Variants in TTYH1 observed in about 807,000 individuals in gnomAD.
TTYH1 encodes the protein tweety family member 1.
A neutral mutation model predicts 61.2 loss-of-function variants in TTYH1; 33 were observed. That is an observed-to-expected ratio of 0.54 (90% CI 0.41 to 0.72). The LOEUF (loss-of-function observed/expected upper bound fraction) is 0.72. Among genes scored for constraint, TTYH1 ranks in the 30% least tolerant of loss-of-function variants. TTYH1 has a pLI of 0.00. For synonymous variants in TTYH1, 308 were observed against 266.4 expected (o/e 1.16, Z -1.52); for missense variants, 538 against 575.8 (o/e 0.93, Z 0.67).
intron 1 of TTYH1, among the ~76,000 whole-genome samples, chr19:54,417,323 T>G (rs2083105880): frequency 6.8e-6 from 1 of 146,906 alleles, no homozygotes; most frequent in South Asian, 2.2e-4. Context: ...ATGCACACAC[T>G]CAGACACGCC....
At chr19:54,417,863 A>G (rs1382168718) in intron 1 of TTYH1, among the ~76,000 whole-genome samples, 1 of 152,172 alleles carries the variant, frequency 6.6e-6, no homozygotes, top group Non-Finnish European at 1.5e-5. Context: ...TGTGCCCAGA[A>G]CACACAAATG....
chr19:54,415,672 C>T lies in TTYH1; in HGVS notation c.120C>T (p.Tyr40=), dbSNP rs1389516121. The change falls in exon 1 of 14, where the codon TAC becomes TAT. Residue 40 remains tyrosine, a synonymous_variant. Transcript: ENST00000376530. This position sits in a 1 kb window ranked among gnomAD's most constrained non-coding sequence, Gnocchi z 5.2. The part of the protein sequence containing the change: ...PSVFAPQEQE[Y]QQALLLVAAL... ...TTTTCGCGCCCCAAGAGCAGGAATA[C>T]CAGCAGGTGGGACCGGGCGCCAGGG... The T allele has an allele frequency of 3.2e-6, 5 of 1,557,504 alleles. No homozygotes were observed. In the African/African-American group the frequency reaches 5.5e-5, roughly 17 times the overall value.
Position 54,419,430 on chromosome 19 carries a change from C to A in TTYH1, c.305+124C>A. 9.7e-7 allele frequency: 1 copy of A among 1,033,092 alleles called. No homozygotes were observed. The highest frequency in any genetic ancestry group is 1.5e-6 in the Non-Finnish European group (1 of 687,988). 64.0% of individuals were successfully genotyped at this position (1,033,092 alleles called of 1,614,324 possible). A position where few individuals can be genotyped will look rare whatever the true frequency, so the allele number is the denominator to read the frequency against. ...ACAGGAAGGAGGAAACTCCCTCGTC[C>A]CTGTCCCTGCCATTTGCAAGCCCAC... On this transcript the variant is annotated intron_variant, in intron 2 of 13. Coordinates refer to ENST00000376530, the MANE Select transcript of TTYH1 (RefSeq NM_020659.4). The surrounding 1 kb of genome is among the most constrained non-coding windows in gnomAD (Gnocchi z 6.1).
chr19:54,419,386 G>A lies in TTYH1; in HGVS notation c.305+80G>A, dbSNP rs758945236. On this transcript the variant is annotated intron_variant, in intron 2 of 13. Transcript: ENST00000376530. This position sits in a 1 kb window ranked among gnomAD's most constrained non-coding sequence, Gnocchi z 6.1. ...GCTGGCCTTCCTGGGGGTGTCCTCC[G>A]GGGACATGGAGGAAGCAGACAGGAA... The A allele has an allele frequency of 5.9e-4, 842 of 1,421,894 alleles. 7 individuals are homozygous for A. The highest frequency in any genetic ancestry group is 1.2e-4 in the South Asian group (10 of 83,112). 88.1% of individuals were successfully genotyped at this position (1,421,894 alleles called of 1,614,324 possible). A position where few individuals can be genotyped will look rare whatever the true frequency, so the allele number is the denominator to read the frequency against.
chr19:54,422,928 CAAAAAAAAAAA>C (rs573699988), intron 4 of TTYH1, among the ~76,000 whole-genome samples: 2 of 85,374 alleles, frequency 2.3e-5, no homozygotes, highest in African/African-American at 5.5e-5. Flanking sequence ...GACTCCATCT[CAAAAAAAAAAA>C]AAAAAAAAAA....
At chr19:54,424,893 C>T (rs1272242071) in intron 4 of TTYH1, among the ~76,000 whole-genome samples, 1 of 151,984 alleles carries the variant, frequency 6.6e-6, no homozygotes, top group Non-Finnish European at 1.5e-5. Context: ...GCTGTTGTTA[C>T]GGCGGGTCCT....
rs1306033835 is a variant in TTYH1, at chr19:54,435,723, A to G, written c.1268+39A>G. 4 of 1,609,756 alleles carry G rather than the reference A, an allele frequency of 2.5e-6. No homozygotes were observed. In the South Asian group the frequency reaches 3.3e-5, roughly 13 times the overall value. ...GAGGGTAGGGTCCTGGGGAGGGAAG[A>G]GGAGGGGCAGCACCTGGGGACCACG... On this transcript the variant is annotated intron_variant, in intron 11 of 13. Transcript: ENST00000376530.
In TTYH1 at chr19:54,436,313, G is replaced by T. The variant is rs753697860; in HGVS notation, c.*43-20G>T. 8 of 1,613,930 alleles carry T rather than the reference G, an allele frequency of 5.0e-6. No individual in the cohort carries two copies. The highest frequency in any genetic ancestry group is 6.8e-6 in the Non-Finnish European group (8 of 1,180,008). Reference sequence around the variant, plus strand: ...GCCCTCCAGCCTGCATCACTGCCCTGTCTCTCCCTCTCTCCGCAGTTCCTT... The same window carrying T: ...GCCCTCCAGCCTGCATCACTGCCCTTTCTCTCCCTCTCTCCGCAGTTCCTT... On this transcript the variant is annotated intron_variant, in intron 13 of 13. Transcript: ENST00000376530. The surrounding 1 kb of genome is among the most constrained non-coding windows in gnomAD (Gnocchi z 4.3).
rs1420842931 is a variant in TTYH1, at chr19:54,436,297, C to T, written c.*43-36C>T. On this transcript the variant is annotated intron_variant, in intron 13 of 13. Coordinates refer to ENST00000376530, the MANE Select transcript of TTYH1 (RefSeq NM_020659.4). This position sits in a 1 kb window ranked among gnomAD's most constrained non-coding sequence, Gnocchi z 4.3. ...GGATCGCACCGGGCAGGCCCTCCAG[C>T]CTGCATCACTGCCCTGTCTCTCCCT... The T allele has an allele frequency of 3.7e-6, 6 of 1,613,902 alleles. No homozygotes were observed. The Admixed American group carries it at 1.0e-4, about 27-fold the overall frequency.
In TTYH1 at chr19:54,419,122, C is replaced by T. The variant is rs554020924; in HGVS notation, c.127-6C>T. The T allele has an allele frequency of 2.5e-6, 4 of 1,609,002 alleles. No homozygotes were observed. Among genetic ancestry groups the T allele is most frequent in the East Asian group, 4.5e-5 (2 of 44,848 alleles). ...CTCGGAGGTCTGATGTCACCCCCTT[C>T]CCCAGGCCTTGTTGCTGGTGGCGGC... On this transcript the variant is annotated splice_region_variant and splice_polypyrimidine_tract_variant and intron_variant, in intron 1 of 13. Coordinates refer to ENST00000376530, the MANE Select transcript of TTYH1 (RefSeq NM_020659.4). This position sits in a 1 kb window ranked among gnomAD's most constrained non-coding sequence, Gnocchi z 6.1.
intron 5 of TTYH1, among the ~76,000 whole-genome samples, chr19:54,428,577 C>G (rs189058993): frequency 6.6e-6 from 1 of 152,092 alleles, no homozygotes; most frequent in Non-Finnish European, 1.5e-5. Context: ...GGTTGGACCA[C>G]TTGCTCAGGG....
chr19:54,426,604 A>G (rs113325377), intron 4 of TTYH1, 69 bp from the exon 5 acceptor site: 61,413 of 1,209,988 alleles, frequency 0.051, 2,859 homozygotes, highest in African/African-American at 0.21. Flanking sequence ...ATGCTGGTGG[A>G]GGGTTGCTGT....
chr19:54,434,621 C>G lies in TTYH1; in HGVS notation c.1126-921C>G, dbSNP rs1483100637. 6.6e-6 allele frequency: 1 copy of G among 152,242 alleles called. No individual in the cohort carries two copies. Among genetic ancestry groups the G allele is most frequent in the Non-Finnish European group, 1.5e-5 (1 of 68,078 alleles). 9.4% of individuals were successfully genotyped at this position (152,242 alleles called of 1,614,324 possible). A position where few individuals can be genotyped will look rare whatever the true frequency, so the allele number is the denominator to read the frequency against. On this transcript the variant is annotated intron_variant, in intron 10 of 13. Coordinates refer to ENST00000376530, the MANE Select transcript of TTYH1 (RefSeq NM_020659.4). The surrounding 1 kb of genome is among the most constrained non-coding windows in gnomAD (Gnocchi z 4.3). ...GCGCCTGGGGCAGAGCAGGCTCTGT[C>G]AACCCCCACTGAATACATACGCTGT...
Position 54,415,500 on chromosome 19 carries a change from C to T in TTYH1, c.-53C>T. The T allele has an allele frequency of 7.4e-7, 1 of 1,346,708 alleles. No individual in the cohort carries two copies. Among genetic ancestry groups the T allele is most frequent in the South Asian group, 1.8e-5 (1 of 54,562 alleles). 83.4% of individuals were successfully genotyped at this position (1,346,708 alleles called of 1,614,324 possible). On this transcript the variant is annotated 5_prime_UTR_variant, in exon 1 of 14. Transcript: ENST00000376530. This position sits in a 1 kb window ranked among gnomAD's most constrained non-coding sequence, Gnocchi z 5.2. The stretch of plus-strand genomic sequence containing the variant: ...GCGCCGCCCGCGCCCCGCTCGACTC[C>T]GGAGGCTCCCGCAGCCCCGGCGTCC...
chr19:54,427,428 A>G (rs965844356), intron 5 of TTYH1, among the ~76,000 whole-genome samples: 2 of 149,016 alleles, frequency 1.3e-5, no homozygotes, highest in African/African-American at 5.0e-5. Flanking sequence ...ACACGGTGAA[A>G]CCCCATCTCT....
rs773208097 is a variant in TTYH1, at chr19:54,431,181, G to T, written c.1115G>T (p.Ser372Ile). ...TTGGTGGCACTGCTACACTGCCGCA[G>T]CCTGCACAAGGTGAAGCCCCTCCCC... ...HQLVALLHCR[S>I]LHKDYGAALR... Residue 372 changes from serine (S) to isoleucine (I), a missense_variant, in exon 10 of 14, where the codon AGC becomes ATC. By Grantham distance (142) the Ser-to-Ile change is moderately radical. Transcript: ENST00000376530. The T allele has an allele frequency of 1.2e-6, 2 of 1,613,254 alleles. No homozygotes were observed. The highest frequency in any genetic ancestry group is 3.3e-5 in the Admixed American group (2 of 59,994).
intron 4 of TTYH1, 52 bp downstream of exon 4, chr19:54,422,462 C>T (rs1364930712): frequency 4.2e-6 from 6 of 1,436,216 alleles, no homozygotes; most frequent in Middle Eastern, 1.8e-4. Flanking sequence ...AGGCGGAGTC[C>T]CCGGGGGGAC....
rs2083404173 is a variant in TTYH1, at chr19:54,430,088, T to C, written c.883+131T>C. On this transcript the variant is annotated intron_variant, in intron 7 of 13. Transcript: ENST00000376530. ...GCCTGCCAGGCGAGACCCAGCCCTC[T>C]GGAAGGGAAGCAGGGCTCCTGGCCA... 9 of 780,288 alleles carry C rather than the reference T, an allele frequency of 1.2e-5. No individual in the cohort carries two copies. The Admixed American group carries it at 2.4e-4, about 21-fold the overall frequency. The allele number at this position is 780,288 out of a possible 1,614,324, so 48.3% of individuals were successfully genotyped here.
Position 54,430,865 on chromosome 19 carries a change from G to T in TTYH1, c.992G>T (p.Gly331Val), listed in dbSNP as rs761821756. Residue 331 changes from glycine (G) to valine (V), a missense_variant, in exon 9 of 14, where the codon GGC becomes GTC. This residue lies in a region of TTYH1 where 378 missense variants were observed against 401.2 expected (regional missense o/e 0.94). Transcript: ENST00000376530. ...ALANIHSQLL[G>V]LEREAVPQFP... ...GCCAACATCCACTCCCAGCTGCTGG[G>T]CCTGGAGCGAGAAGCTGTGCCTCAG... 9 of 1,613,776 alleles carry T rather than the reference G, an allele frequency of 5.6e-6. No individual in the cohort carries two copies. Among genetic ancestry groups the T allele is most frequent in the Non-Finnish European group, 7.6e-6 (9 of 1,180,024 alleles).
Sources: gnomAD v4.1 joint callset for allele counts (sites outside exome capture counted in the v4.1 genomes callset) on GRCh38, gnomAD v4.1.1 for gene constraint, gnomAD v4.1.1 regional missense constraint, Gnocchi (gnomAD v3.1) non-coding constraint, MANE v1.5 for transcripts, NCBI Gene and HGNC (gene_info 2026-07-23, HGNC 2026-07-21) for gene names.